Variants in ZBTB20 observed in about 807,000 individuals in gnomAD.
The protein encoded by ZBTB20 is zinc finger and BTB domain-containing protein 20.
A neutral mutation model predicts 56.9 loss-of-function variants in ZBTB20; 9 were observed. The observed-to-expected ratio is 0.16, with a 90% CI of 0.10 to 0.28. ZBTB20 has a LOEUF of 0.28. Among genes scored for constraint, ZBTB20 ranks in the 10% least tolerant of loss-of-function variants. The pLI is 1.00. For synonymous variants in ZBTB20, 417 were observed against 420.7 expected, an observed-to-expected ratio of 0.99 and a Z score of 0.11; for missense variants, 655 against 1,003.0, an observed-to-expected ratio of 0.65 and a Z score of 4.69.
rs141898386 is a variant in ZBTB20 at position 114,351,419 on chromosome 3, G to A, written c.659C>T (p.Thr220Met). The part of the protein sequence containing the change: ...DTPRGTPESG[T>M]SGQSSDTESG... ...CTCCGTGTCGCTGCTCTGGCCTGAC[G>A]TGCCTGACTCGGGAGTGCCCCGCGG... is the stretch of plus-strand genomic sequence containing the variant. Residue 220 changes from threonine to methionine, a missense_variant, in exon 11 of 12, where the codon ACG becomes ATG. Physicochemically the swap from Thr to Met is moderately conservative, Grantham distance 81. Coordinates refer to ENST00000675478, the MANE Select transcript of ZBTB20 (RefSeq NM_001348800.3). The A allele has an allele frequency of 2.7e-5, 43 of 1,612,926 alleles. No homozygotes were observed. The highest frequency in any genetic ancestry group is 1.3e-4 in the South Asian group (12 of 91,068).
intron 1 of ZBTB20, among the ~76,000 whole-genome samples, chr3:115,107,888 G>T (rs1292607032): frequency 2.0e-5 from 3 of 152,074 alleles, no homozygotes; most frequent in African/African-American, 7.2e-5. Context: ...AACTAACACA[G>T]GAATAGAAAA....
intron 5 of ZBTB20, among the ~76,000 whole-genome samples, chr3:114,718,965 T>C (rs1294593056): frequency 6.6e-6 from 1 of 151,972 alleles, no homozygotes; most frequent in Non-Finnish European, 1.5e-5. Context: ...ACTTTAACCA[T>C]ATTAATCCAG....
intron 6 of ZBTB20, chr3:114,518,612 A>G (rs1026934911): frequency 6.6e-6 from 1 of 152,210 alleles, no homozygotes; most frequent in African/African-American, 2.4e-5. Context: ...AAGCTCCACA[A>G]GATCATGACT....
intron 1 of ZBTB20, among the ~76,000 whole-genome samples, chr3:115,122,341 A>G (rs2084206629): frequency 6.6e-6 from 1 of 151,954 alleles, no homozygotes; most frequent in South Asian, 2.1e-4. Context: ...GTTCCTCCCT[A>G]TTGACTTTTG....
chr3:114,665,801 A>G (rs1001069263), intron 6 of ZBTB20, among the ~76,000 whole-genome samples: 1 of 152,044 alleles, frequency 6.6e-6, no homozygotes, highest in African/African-American at 2.4e-5. Flanking sequence ...CTTGTTAATA[A>G]ATGTTACTTA....
At chr3:114,781,949 T>G (rs996163901) in intron 5 of ZBTB20, among the ~76,000 whole-genome samples, 1 of 152,184 alleles carries the variant, frequency 6.6e-6, no homozygotes, top group African/African-American at 2.4e-5. Flanking sequence ...CATTAAACCT[T>G]TTTTTCTTTA....
chr3:114,517,977 C>CA (rs1220983700), intron 6 of ZBTB20, among the ~76,000 whole-genome samples: 1 of 152,154 alleles, frequency 6.6e-6, no homozygotes, highest in Admixed American at 6.6e-5. Flanking sequence ...ACTGAGCTCA[C>CA]ATTCTAAGGG....
intron 5 of ZBTB20, among the ~76,000 whole-genome samples, chr3:114,748,330 CTT>C (rs2067251943): frequency 8.3e-5 from 7 of 84,228 alleles, no homozygotes; most frequent in African/African-American, 2.1e-4. Context: ...TTCTTTCTTT[CTT>C]TCTTCTTTCT....
intron 7 of ZBTB20, among the ~76,000 whole-genome samples, chr3:114,404,175 C>T (rs1287890928): frequency 1.3e-5 from 2 of 152,082 alleles, no homozygotes; most frequent in East Asian, 1.9e-4. Context: ...GGGAATAATC[C>T]TTCCTTTCTT....
Position 114,804,399 on chromosome 3 carries a change from G to A in ZBTB20, c.-416-3225C>T, listed in dbSNP as rs138915197. Among the ~76,000 whole-genome samples the A allele has an allele frequency of 1.8e-3, 280 of 151,956 alleles. 9 individuals carry two copies. The East Asian group carries it at 0.043, about 24-fold the overall frequency. On this transcript the variant is annotated intron_variant, in intron 4 of 11. Coordinates refer to ENST00000675478, the MANE Select transcript of ZBTB20 (RefSeq NM_001348800.3). ...AAGGAAAGAACAACAAAGCATTCCAGCTTAGGAGGTCTATGTTAATTCAGG... is the reference window on the plus strand; with the variant it reads ...AAGGAAAGAACAACAAAGCATTCCAACTTAGGAGGTCTATGTTAATTCAGG...
At chr3:114,565,073 C>T (rs1181893988) in intron 6 of ZBTB20, among the ~76,000 whole-genome samples, 3 of 152,148 alleles carry the variant, frequency 2.0e-5, no homozygotes, top group African/African-American at 7.2e-5. Context: ...CCTTGTCCTG[C>T]TGGAAACTAT....
chr3:114,431,108 G>A (rs1265790616), intron 7 of ZBTB20, among the ~76,000 whole-genome samples: 1 of 152,106 alleles, frequency 6.6e-6, no homozygotes, highest in East Asian at 1.9e-4. Context: ...CGCGGGATAG[G>A]AAAAGAAAAC....
At chr3:115,037,956 A>C (rs2080995002) in intron 2 of ZBTB20, among the ~76,000 whole-genome samples, 1 of 152,248 alleles carries the variant, frequency 6.6e-6, no homozygotes, top group South Asian at 2.1e-4. Context: ...AAATACCACA[A>C]ATGAGGTCTA....
At chr3:114,571,147 G>C (rs938790873) in intron 6 of ZBTB20, among the ~76,000 whole-genome samples, 2 of 152,140 alleles carry the variant, frequency 1.3e-5, no homozygotes, top group Non-Finnish European at 2.9e-5. Flanking sequence ...AATTTGATTT[G>C]TAGGAAATGG....
At chr3:115,048,599 C>T (rs1265951280) in intron 2 of ZBTB20, among the ~76,000 whole-genome samples, 1 of 152,060 alleles carries the variant, frequency 6.6e-6, no homozygotes, top group Non-Finnish European at 1.5e-5. Flanking sequence ...TTACTATGTA[C>T]ATTTGAAAGC....
chr3:114,724,643 T>G (rs2065144867), intron 5 of ZBTB20, among the ~76,000 whole-genome samples: 1 of 152,182 alleles, frequency 6.6e-6, no homozygotes, highest in Non-Finnish European at 1.5e-5. Flanking sequence ...ATTTAGGTTT[T>G]ATATTAATTA....
intron 2 of ZBTB20, among the ~76,000 whole-genome samples, chr3:114,985,889 T>C (rs2078519767): frequency 6.6e-6 from 1 of 152,108 alleles, no homozygotes; most frequent in Non-Finnish European, 1.5e-5. Flanking sequence ...AAAGTTTCTG[T>C]TTCAACTACT....
At chr3:114,426,822 T>G (rs1170417306) in intron 7 of ZBTB20, among the ~76,000 whole-genome samples, 1 of 152,186 alleles carries the variant, frequency 6.6e-6, no homozygotes, top group Non-Finnish European at 1.5e-5. Flanking sequence ...AAAAATTATA[T>G]TTTTAATTGT....
At chr3:114,570,780 A>G (rs16822971) in intron 6 of ZBTB20, among the ~76,000 whole-genome samples, 14,318 of 152,252 alleles carry the variant, frequency 0.094, 807 homozygotes, top group African/African-American at 0.14. Context: ...GATTTTTTCA[A>G]TGCAGATCTG....
Sources: allele counts gnomAD v4.1 joint callset (sites outside exome capture counted in the v4.1 genomes callset), GRCh38; gene constraint gnomAD v4.1.1; transcripts MANE v1.5; gene names NCBI Gene and HGNC (gene_info 2026-07-23, HGNC 2026-07-21).